The following UNC79 variants were observed in gnomAD, a reference collection of about 807,000 sequenced individuals.
UNC79 encodes the protein protein unc-79 homolog.
UNC79 carries 37 observed loss-of-function variants against 283.1 expected under a neutral mutation model. The observed-to-expected ratio is 0.13, with a 90% CI of 0.10 to 0.17. The LOEUF (loss-of-function observed/expected upper bound fraction) is 0.17. Among genes scored for constraint, UNC79 ranks in the 10% least tolerant of loss-of-function variants. The probability of loss-of-function intolerance (pLI) is 1.00; values close to 1 mark genes in which losing one functional copy is unlikely to be tolerated. For missense variants in UNC79, 2,272 were observed against 3,211.1 expected (o/e 0.71, Z 7.07); for synonymous variants, 1,107 against 1,200.2 (o/e 0.92, Z 1.61).
chr14:93,347,638 G>T (rs1012295268), intron 1 of UNC79, among the ~76,000 whole-genome samples: 4 of 152,130 alleles, frequency 2.6e-5, no homozygotes, highest in African/African-American at 9.7e-5. Flanking sequence ...TGAGGAACGC[G>T]CGGGGATTGG....
intron 32 of UNC79, 163 bp downstream of exon 35, chr14:93,637,462 C>A: frequency 8.0e-7 from 1 of 1,246,220 alleles, no homozygotes; most frequent in Non-Finnish European, 1.1e-6. Context: ...GACATCTCAT[C>A]TTTGAACATG....
At chr14:93,677,047 A>G (rs2073401034) in intron 41 of UNC79, among the ~76,000 whole-genome samples, 3 of 152,214 alleles carry the variant, frequency 2.0e-5, no homozygotes, top group African/African-American at 2.4e-5. Flanking sequence ...CCAACAAAAA[A>G]TGTTGAGCGT....
intron 22 of UNC79, among the ~76,000 whole-genome samples, chr14:93,591,800 A>G (rs2064702475): frequency 6.6e-6 from 1 of 152,198 alleles, no homozygotes; most frequent in Non-Finnish European, 1.5e-5. Context: ...AACACAATGA[A>G]AAAGACGCGA....
At chr14:93,357,859 A>G (rs867110343) in intron 1 of UNC79, among the ~76,000 whole-genome samples, 39 of 37,662 alleles carry the variant, frequency 1.0e-3, no homozygotes, top group East Asian at 1.5e-3. Flanking sequence ...ATATGGATAT[A>G]TATATGGATA....
chr14:93,406,639 AACAG>A (rs1032802982), intron 1 of UNC79, among the ~76,000 whole-genome samples: 26 of 152,160 alleles, frequency 1.7e-4, no homozygotes, highest in Non-Finnish European at 1.8e-4. Flanking sequence ...ACATCTTACT[AACAG>A]ACAGAAAACC....
At chr14:93,470,092 A>T (rs929681451) in intron 2 of UNC79, among the ~76,000 whole-genome samples, 1 of 152,140 alleles carries the variant, frequency 6.6e-6, no homozygotes, top group African/African-American at 2.4e-5. Context: ...GGGAAAAATA[A>T]CAAGAAGAAA....
chr14:93,616,366 CTTTTT>C (rs71463917), intron 27 of UNC79, among the ~76,000 whole-genome samples: 4 of 96,242 alleles, frequency 4.2e-5, no homozygotes, highest in Non-Finnish European at 8.4e-5. Context: ...TTCTTTTTTC[CTTTTT>C]TTTTTTTTTT....
At chr14:93,536,744 C>T (rs1474316739) in intron 11 of UNC79, among the ~76,000 whole-genome samples, 1 of 148,056 alleles carries the variant, frequency 6.8e-6, no homozygotes, top group African/African-American at 2.5e-5. Flanking sequence ...GAGGTATGCC[C>T]TTAAGATCCT....
chr14:93,563,981 G>A (rs929668945), intron 14 of UNC79, among the ~76,000 whole-genome samples: 14 of 152,172 alleles, frequency 9.2e-5, no homozygotes, highest in Admixed American at 5.2e-4. Context: ...GATTTTGAGG[G>A]CCTCTGAAAG....
At chr14:93,457,074 A>G (rs1429766355) in intron 1 of UNC79, among the ~76,000 whole-genome samples, 1 of 152,256 alleles carries the variant, frequency 6.6e-6, no homozygotes, top group Admixed American at 6.5e-5. Flanking sequence ...CTTTAGTGTT[A>G]TAGCCAAGAT....
chr14:93,652,834 T>C (rs1179270768), intron 35 of UNC79, among the ~76,000 whole-genome samples: 1 of 152,226 alleles, frequency 6.6e-6, no homozygotes, highest in Non-Finnish European at 1.5e-5. Context: ...TTTTAAAATT[T>C]ATTTTGATAA....
intron 1 of UNC79, among the ~76,000 whole-genome samples, chr14:93,408,702 C>T (rs2055275885): frequency 6.6e-6 from 1 of 152,044 alleles, no homozygotes; most frequent in Admixed American, 6.6e-5. Flanking sequence ...AAAAAAAACC[C>T]ACAAAGTGTA....
At chr14:93,485,917 A>G (rs2058397340) in intron 4 of UNC79, among the ~76,000 whole-genome samples, 1 of 152,226 alleles carries the variant, frequency 6.6e-6, no homozygotes, top group African/African-American at 2.4e-5. Context: ...ATGTAAAAAG[A>G]AAAGAATTGT....
intron 7 of UNC79, among the ~76,000 whole-genome samples, chr14:93,518,630 A>C (rs2060183847): frequency 6.6e-6 from 1 of 151,916 alleles, no homozygotes; most frequent in East Asian, 1.9e-4. Context: ...GAGATGCATA[A>C]ACTTTTTATT....
intron 22 of UNC79, among the ~76,000 whole-genome samples, chr14:93,587,912 A>T (rs761103157): frequency 6.6e-6 from 1 of 152,202 alleles, no homozygotes; most frequent in Non-Finnish European, 1.5e-5. Context: ...AGACAATACC[A>T]CTTGAATGGG....
At chr14:93,407,764 T>G (rs1267614034) in intron 1 of UNC79, among the ~76,000 whole-genome samples, 1 of 152,060 alleles carries the variant, frequency 6.6e-6, no homozygotes, top group Non-Finnish European at 1.5e-5. Flanking sequence ...ATAGAATGCT[T>G]CTCCTCCCCA....
intron 2 of UNC79, among the ~76,000 whole-genome samples, chr14:93,471,898 A>G (rs940174494): frequency 6.6e-6 from 1 of 152,140 alleles, no homozygotes; most frequent in African/African-American, 2.4e-5. Context: ...AAAATATCAA[A>G]GTAGAGTCTC....
At chr14:93,582,277 G>A (rs2063874536) in exon 20 of UNC79, 5 of 1,614,198 alleles carry the variant, frequency 3.1e-6, no homozygotes, top group Non-Finnish European at 2.5e-6. Flanking sequence ...AAGGGGAGGA[G>A]GAGGAGAATC....
At position 93,334,091 on chromosome 14, in the gene UNC79, C is replaced by T. The variant is rs77294271; in HGVS notation, c.-351+568C>T. Among the ~76,000 whole-genome samples the T allele has an allele frequency of 4.8e-3, 732 of 152,348 alleles. 7 individuals are homozygous for T. The highest frequency in any genetic ancestry group is 0.017 in the African/African-American group (690 of 41,574). The stretch of plus-strand genomic sequence containing the variant: ...TGTTGTTGTTGTTCTGAAACCACCT[C>T]TAAGCTTCAAAGGATAAGAGCAATT... On this transcript the variant is annotated intron_variant, in intron 1 of 49. Coordinates refer to the UNC79 transcript ENST00000256339.
Sources: allele counts gnomAD v4.1 joint callset (sites outside exome capture counted in the v4.1 genomes callset), GRCh38; gene constraint gnomAD v4.1.1; transcripts MANE v1.5; gene names NCBI Gene and HGNC (gene_info 2026-07-23, HGNC 2026-07-21).